ZNF557: variants seen among roughly 807,000 people sequenced by gnomAD.
ZNF557 encodes the protein CTB-25J19.9.
ZNF557 carries 19 observed loss-of-function variants against 21.2 expected under a neutral mutation model. The ratio of observed to expected loss-of-function variants is 0.90; its 90% CI spans 0.63 to 1.32. ZNF557 has a LOEUF of 1.32. ZNF557 is among the 40% of genes most tolerant of loss of function. The pLI, the probability that ZNF557 is intolerant of heterozygous loss-of-function variation, is 0.00. For missense variants in ZNF557, 487 were observed against 519.8 expected, an observed-to-expected ratio of 0.94 and a Z score of 0.61; for synonymous variants, 207 against 194.8, an observed-to-expected ratio of 1.06 and a Z score of -0.52.
rs1483548359 is a variant in ZNF557, at chr19:7,083,355, G to A, written c.904G>A (p.Gly302Ser). ...ATGTAATCAGTGTGGAAAGGCTTTC[G>A]GCACGAGGTCATCTCTTTCTTCGCA... is the stretch of plus-strand genomic sequence containing the variant. ...YVCNQCGKAF[G>S]TRSSLSSHYS... Residue 302 changes from glycine (G) to serine (S), a missense_variant, in exon 8 of 8, where the codon GGC becomes AGC. Gly to Ser is a moderately conservative substitution (Grantham distance 56). Transcript: ENST00000252840. 23 of 1,614,036 alleles carry A rather than the reference G, an allele frequency of 1.4e-5. No homozygotes were observed. Among genetic ancestry groups the A allele is most frequent in the South Asian group, 3.3e-5 (3 of 91,088 alleles).
At position 7,070,648 on chromosome 19, in the gene ZNF557, G is replaced by T. The variant is rs1977438828; in HGVS notation, c.-85G>T. ...CTCACTGATCCGTGGACTTCTGTATGATCAGGTAGGTACCGTGTAGAACCT... is the reference window on the plus strand; with the variant it reads ...CTCACTGATCCGTGGACTTCTGTATTATCAGGTAGGTACCGTGTAGAACCT... On this transcript the variant is annotated 5_prime_UTR_variant, in exon 2 of 8. An upstream start codon of the reference 5' UTR is lost. Coordinates refer to ENST00000252840, the MANE Select transcript of ZNF557 (RefSeq NM_024341.3). 6.6e-6 allele frequency: 1 copy of T among 152,154 alleles called. No individual in the cohort carries two copies. Among genetic ancestry groups the T allele is most frequent in the Non-Finnish European group, 1.5e-5 (1 of 68,032 alleles). The allele number at this position is 152,154 out of a possible 1,614,324, so 9.4% of individuals were successfully genotyped here.
At chr19:7,074,241 C>T (rs1977523683) in intron 2 of ZNF557, among the ~76,000 whole-genome samples, 1 of 151,558 alleles carries the variant, frequency 6.6e-6, no homozygotes, top group Admixed American at 6.6e-5. Flanking sequence ...CTCCTGACCT[C>T]GTGATCCGCC....
intron 2 of ZNF557, among the ~76,000 whole-genome samples, chr19:7,072,627 G>A (rs1010304077): frequency 2.0e-5 from 3 of 152,076 alleles, no homozygotes; most frequent in Non-Finnish European, 4.4e-5. Flanking sequence ...TTGCTTTCCT[G>A]CCTCTGCACG....
rs139456892 is a variant in ZNF557, at chr19:7,077,284, C to T, written c.247+777C>T. ...CTCAACAGCTGGGACTAAAGGCATG[C>T]GCCACCACACTCAGCAAATTTTTGT... is the stretch of plus-strand genomic sequence containing the variant. On this transcript the variant is annotated intron_variant, in intron 5 of 7. Transcript: ENST00000252840. Among the ~76,000 whole-genome samples the T allele has an allele frequency of 1.4e-3, 220 of 151,884 alleles. 1 individual carries two copies. The highest frequency in any genetic ancestry group is 5.0e-3 in the African/African-American group (208 of 41,434).
chr19:7,081,238 G>A (rs752443068), intron 5 of ZNF557, 122 bp from the exon 6 acceptor site: 51 of 511,126 alleles, frequency 1.0e-4, no homozygotes, highest in Admixed American at 4.7e-4. Context: ...TTCAATTTTG[G>A]CATAATTATT....
chr19:7,087,298 T>C lies in ZNF557; in HGVS notation c.*3554T>C, dbSNP rs1977881880. Reference sequence around the variant, plus strand: ...GCTCACGCCTGTAATCCCACCACTTTGGGAGGCCAAGGCAGGCGGATCACC... The same window carrying C: ...GCTCACGCCTGTAATCCCACCACTTCGGGAGGCCAAGGCAGGCGGATCACC... On this transcript the variant is annotated 3_prime_UTR_variant, in exon 8 of 8. Coordinates refer to ENST00000252840, the MANE Select transcript of ZNF557 (RefSeq NM_024341.3). The C allele has an allele frequency of 7.1e-6, 1 of 141,814 alleles. No homozygotes were observed. The highest frequency in any genetic ancestry group is 1.5e-5 in the Non-Finnish European group (1 of 66,554). 8.8% of individuals were successfully genotyped at this position (141,814 alleles called of 1,614,324 possible). A position where few individuals can be genotyped will look rare whatever the true frequency, so the allele number is the denominator to read the frequency against.
chr19:7,080,801 A>G (rs1444380876), intron 5 of ZNF557, among the ~76,000 whole-genome samples: 1 of 152,174 alleles, frequency 6.6e-6, no homozygotes, highest in Non-Finnish European at 1.5e-5. Context: ...GCTCCAATGA[A>G]GTTGATTCTG....
intron 5 of ZNF557, among the ~76,000 whole-genome samples, chr19:7,078,502 C>G (rs1375795456): frequency 2.6e-5 from 4 of 151,348 alleles, no homozygotes; most frequent in African/African-American, 4.9e-5. Flanking sequence ...ACGATCTCAG[C>G]TCACTGCAAC....
At position 7,086,517 on chromosome 19, in the gene ZNF557, A is replaced by G. The variant is rs1977851745; in HGVS notation, c.*2773A>G. On this transcript the variant is annotated 3_prime_UTR_variant, in exon 8 of 8. Coordinates refer to ENST00000252840, the MANE Select transcript of ZNF557 (RefSeq NM_024341.3). ...GCTGGGACTACAGGTGCCCATCACC[A>G]TGCCCGGCTAATTTTTCATATTTTT... The G allele has an allele frequency of 6.6e-6, 1 of 151,442 alleles. No homozygotes were observed. Among genetic ancestry groups the G allele is most frequent in the South Asian group, 2.1e-4 (1 of 4,800 alleles). 9.4% of individuals were successfully genotyped at this position (151,442 alleles called of 1,614,324 possible).
chr19:7,076,132 TTGAG>T (rs1033388993), intron 4 of ZNF557, among the ~76,000 whole-genome samples: 10 of 152,062 alleles, frequency 6.6e-5, no homozygotes, highest in Non-Finnish European at 1.5e-4. Flanking sequence ...AGCTCCCAGT[TTGAG>T]TGAGAAAAGA....
At position 7,075,105 on chromosome 19, in the gene ZNF557, G is replaced by T; in HGVS notation, c.31G>T (p.Ala11Ser). 6.2e-7 allele frequency: 1 copy of T among 1,614,056 alleles called. No individual in the cohort carries two copies. Among genetic ancestry groups the T allele is most frequent in the Non-Finnish European group, 8.5e-7 (1 of 1,179,988 alleles). MAAVVLPPTA[A>S]LSSLFPASQR... is the part of the protein sequence containing the mutation. ...GGCTGTCGTCCTGCCCCCAACTGCC[G>T]GTGAGTCATGGGGTCCTGGCAGTTC... The change falls in exon 3 of 8, where the codon GCT becomes TCT. Residue 11 changes from alanine (A) to serine (S), a missense_variant and splice_region_variant. Physicochemically the swap from Ala to Ser is moderately conservative, Grantham distance 99. Transcript: ENST00000252840.
chr19:7,074,960 G>T (rs1242249727), intron 2 of ZNF557, 36 bp from the exon 3 acceptor site: 1 of 1,566,728 alleles, frequency 6.4e-7, no homozygotes, highest in African/African-American at 1.4e-5. Context: ...GCTGGAGGGG[G>T]TGACCGAGGC....
intron 6 of ZNF557, among the ~76,000 whole-genome samples, 176 bp downstream of exon 6, chr19:7,081,631 A>G (rs1977708434): frequency 6.6e-6 from 1 of 152,186 alleles, no homozygotes; most frequent in African/African-American, 2.4e-5. Flanking sequence ...CATGACTTCC[A>G]ACTTTCTGTC....
At chr19:7,074,258 G>A (rs1176497604) in intron 2 of ZNF557, among the ~76,000 whole-genome samples, 2 of 150,864 alleles carry the variant, frequency 1.3e-5, no homozygotes, top group African/African-American at 4.9e-5. Context: ...CGCCCGCCTC[G>A]GCCTCCCAAA....
Position 7,083,378 on chromosome 19 carries a change from G to C in ZNF557, c.927G>C (p.Ser309=), listed in dbSNP as rs538303165. Residue 309 remains serine (S), a synonymous_variant, in exon 8 of 8, where the codon TCG becomes TCC. Transcript: ENST00000252840. ...KAFGTRSSLS[S]HYSIHTGEYP... ...TCGGCACGAGGTCATCTCTTTCTTC[G>C]CACTATAGCATTCATACAGGGGAGT... 21 of 1,614,092 alleles carry C rather than the reference G, an allele frequency of 1.3e-5. No individual in the cohort carries two copies. The African/African-American group carries it at 2.0e-4, about 15-fold the overall frequency.
At position 7,083,374 on chromosome 19, in the gene ZNF557, C is replaced by A; in HGVS notation, c.923C>A (p.Ser308Tyr). 2 of 1,614,218 alleles carry A rather than the reference C, an allele frequency of 1.2e-6. No homozygotes were observed. Among genetic ancestry groups the A allele is most frequent in the Non-Finnish European group, 1.7e-6 (2 of 1,180,044 alleles). The change falls in exon 8 of 8, where the codon TCT becomes TAT. Residue 308 changes from serine (S) to tyrosine (Y), a missense_variant. Coordinates refer to ENST00000252840, the MANE Select transcript of ZNF557 (RefSeq NM_024341.3). ...GCTTTCGGCACGAGGTCATCTCTTTCTTCGCACTATAGCATTCATACAGGG... is the reference window on the plus strand; with the variant it reads ...GCTTTCGGCACGAGGTCATCTCTTTATTCGCACTATAGCATTCATACAGGG... ...GKAFGTRSSL[S>Y]SHYSIHTGEY...
chr19:7,074,679 G>C (rs2145165943), intron 2 of ZNF557, among the ~76,000 whole-genome samples: 1 of 150,182 alleles, frequency 6.7e-6, no homozygotes, highest in East Asian at 2.0e-4. Flanking sequence ...ATCTGAGCTG[G>C]GTGAGGTGGA....
rs944886095 is a variant in ZNF557, at chr19:7,086,261, T to A, written c.*2517T>A. 1 of 141,570 alleles carries A rather than the reference T, an allele frequency of 7.1e-6. No homozygotes were observed. The highest frequency in any genetic ancestry group is 1.5e-5 in the Non-Finnish European group (1 of 65,316). The allele number at this position is 141,570 out of a possible 1,614,324, so 8.8% of individuals were successfully genotyped here. A position where few individuals can be genotyped will look rare whatever the true frequency, so the allele number is the denominator to read the frequency against. On this transcript the variant is annotated 3_prime_UTR_variant, in exon 8 of 8. Transcript: ENST00000252840. Reference sequence around the variant, plus strand: ...AAAAAAAATCAGACAATATTTGATATATTTTTTTCTAATTTAATAGTATTT... The same window carrying A: ...AAAAAAAATCAGACAATATTTGATAAATTTTTTTCTAATTTAATAGTATTT...
rs34159066 is a variant in ZNF557, at chr19:7,087,701, AGT to A, written c.*3978_*3979del. On this transcript the variant is annotated 3_prime_UTR_variant, in exon 8 of 8. Transcript: ENST00000252840. ...TAAAACCAAAGAGAGAGAGAGAGAG[AGT>A]GTGTGTGTGTGTGTGTGTGTTTGGT... 17 of 148,268 alleles carry A rather than the reference AGT, an allele frequency of 1.1e-4. No homozygotes were observed. Among genetic ancestry groups the A allele is most frequent in the South Asian group, 4.3e-4 (2 of 4,638 alleles). The allele number at this position is 148,268 out of a possible 1,614,324, so 9.2% of individuals were successfully genotyped here.
Sources: gnomAD v4.1 joint callset for allele counts (sites outside exome capture counted in the v4.1 genomes callset) on GRCh38, gnomAD v4.1.1 for gene constraint, MANE v1.5 for transcripts, NCBI Gene and HGNC (gene_info 2026-07-23, HGNC 2026-07-21) for gene names.